Variants in SKOR2 observed in about 807,000 individuals in gnomAD.
SKOR2 encodes SKI family transcriptional corepressor 2, also known as LBX1 corepressor 1-like protein.
Under a neutral mutation model 69.1 loss-of-function variants are expected in SKOR2, and 47 were observed. The observed-to-expected ratio is 0.68, with a 90% CI of 0.54 to 0.87. The LOEUF is 0.87. Among genes scored for constraint, SKOR2 ranks in the 40% least tolerant of loss-of-function variants. The probability of loss-of-function intolerance (pLI) is 0.00; values close to 1 mark genes in which losing one functional copy is unlikely to be tolerated. For missense variants in SKOR2, 1,404 were observed against 1,472.2 expected (o/e 0.95, Z 0.76); for synonymous variants, 717 against 672.6 (o/e 1.07, Z -1.02).
At position 47,208,703 on chromosome 18, in the gene SKOR2, G is replaced by A. The variant is rs73954289; in HGVS notation, c.*4-1811C>T. Among the ~76,000 whole-genome samples the A allele has an allele frequency of 5.2e-3, 787 of 152,240 alleles. 7 individuals are homozygous for A. Among genetic ancestry groups the A allele is most frequent in the African/African-American group, 0.018 (752 of 41,536 alleles). On this transcript the variant is annotated intron_variant, in intron 8 of 8. Coordinates refer to ENST00000425639, the MANE Select transcript of SKOR2 (RefSeq NM_001278063.4). ...GAAATAACTAGATGTAAGGAAGGCC[G>A]TCGGGAATAATTCTGGTGTTAAAAA...
intron 6 of SKOR2, among the ~76,000 whole-genome samples, chr18:47,226,310 A>G (rs1449910857): frequency 6.6e-6 from 1 of 152,200 alleles, no homozygotes; most frequent in Non-Finnish European, 1.5e-5. Flanking sequence ...TGCAAAAATG[A>G]TCAGACCAGT....
chr18:47,227,635 G>A (rs570509965), intron 6 of SKOR2, among the ~76,000 whole-genome samples: 1 of 152,226 alleles, frequency 6.6e-6, no homozygotes, highest in African/African-American at 2.4e-5. Context: ...CTGGCCAGAA[G>A]CCAAAAATTT....
chr18:47,224,580 G>A (rs1046289712), intron 6 of SKOR2, among the ~76,000 whole-genome samples: 4 of 151,734 alleles, frequency 2.6e-5, no homozygotes, highest in Non-Finnish European at 5.9e-5. Context: ...GTTTACAAAT[G>A]TCTTCATTTT....
intron 4 of SKOR2, among the ~76,000 whole-genome samples, chr18:47,235,674 A>G (rs2064219131): frequency 1.3e-5 from 2 of 151,698 alleles, no homozygotes; most frequent in African/African-American, 4.9e-5. Context: ...GTCATTAGAA[A>G]CTGGAAGTAT....
Position 47,248,692 on chromosome 18 carries a change from G to T in SKOR2, c.492C>A (p.Tyr164Ter). 6.4e-7 allele frequency: 1 copy of T among 1,563,850 alleles called. No homozygotes were observed. The highest frequency in any genetic ancestry group is 8.6e-7 in the Non-Finnish European group (1 of 1,160,906). Reference sequence around the variant, plus strand: ...TGATGCACTTGGCGCGCGAGCTGTTGTAGCGCGCGGGAATGAAGCTGCCGC... The same window carrying T: ...TGATGCACTTGGCGCGCGAGCTGTTTTAGCGCGCGGGAATGAAGCTGCCGC... ...GCRGSFIPAR[Y>*]NSSRAKCIKC... Residue 164 changes from tyrosine to a stop codon, truncating the protein, a stop_gained, in exon 2 of 9, where the codon TAC becomes TAA. Coordinates refer to ENST00000425639, the MANE Select transcript of SKOR2 (RefSeq NM_001278063.4). LOFTEE classifies it high-confidence loss of function. The surrounding 1 kb of genome is among the most constrained non-coding windows in gnomAD (Gnocchi z 6.4).
intron 7 of SKOR2, among the ~76,000 whole-genome samples, chr18:47,212,749 G>C (rs527916539): frequency 1.3e-5 from 2 of 152,210 alleles, no homozygotes; most frequent in African/African-American, 4.8e-5. Context: ...GAGGTGGGAG[G>C]ATCACTTGAG....
chr18:47,224,383 C>T (rs1362289550), intron 6 of SKOR2, among the ~76,000 whole-genome samples: 1 of 152,154 alleles, frequency 6.6e-6, no homozygotes, highest in Non-Finnish European at 1.5e-5. Flanking sequence ...GCCAACACAA[C>T]AGCAAGGCTG....
At chr18:47,225,332 T>C (rs771665692) in intron 6 of SKOR2, among the ~76,000 whole-genome samples, 2 of 152,194 alleles carry the variant, frequency 1.3e-5, no homozygotes, top group Non-Finnish European at 2.9e-5. Flanking sequence ...AATTTGTCAC[T>C]AGATCTGCAA....
chr18:47,244,085 A>C (rs963701434), intron 4 of SKOR2, among the ~76,000 whole-genome samples: 2 of 152,246 alleles, frequency 1.3e-5, no homozygotes, highest in African/African-American at 4.8e-5. Context: ...TGAGAAAATA[A>C]AAACAAAGGT....
At chr18:47,249,692 G>C (rs2064304359) in intron 1 of SKOR2, among the ~76,000 whole-genome samples, 1 of 152,146 alleles carries the variant, frequency 6.6e-6, no homozygotes, top group African/African-American at 2.4e-5. Context: ...TGGTTAAAAA[G>C]TAACCCCCAA....
intron 4 of SKOR2, among the ~76,000 whole-genome samples, chr18:47,237,148 C>T (rs781655943): frequency 6.6e-6 from 1 of 152,320 alleles, no homozygotes; most frequent in East Asian, 1.9e-4. Flanking sequence ...AGTTTTAAAG[C>T]ACTAACTTGT....
At chr18:47,226,642 C>T (rs1019292975) in intron 6 of SKOR2, among the ~76,000 whole-genome samples, 1 of 152,198 alleles carries the variant, frequency 6.6e-6, no homozygotes, top group African/African-American at 2.4e-5. Flanking sequence ...GCTCAATAAA[C>T]CTTTACAAGT....
At position 47,247,692 on chromosome 18, in the gene SKOR2, C is replaced by T; in HGVS notation, c.1492G>A (p.Ala498Thr). Residue 498 changes from alanine to threonine, a missense_variant, in exon 2 of 9, where the codon GCG becomes ACG. Ala to Thr is a moderately conservative substitution (Grantham distance 58). This residue lies in a region of SKOR2 where 1,266 missense variants were observed against 1,309.9 expected (regional missense o/e 0.97). Transcript: ENST00000425639. The surrounding 1 kb of genome is among the most constrained non-coding windows in gnomAD (Gnocchi z 6.6). ...PPQPPSALGC[A>T]LGESPALLRQ... is the part of the protein sequence containing the mutation. ...AGCAGGGCCGGGCTTTCGCCTAGCG[C>T]GCAGCCTAGCGCCGAGGGCGGCTGA... is the stretch of plus-strand genomic sequence containing the variant. The T allele has an allele frequency of 1.5e-6, 2 of 1,354,840 alleles. No homozygotes were observed. Among genetic ancestry groups the T allele is most frequent in the South Asian group, 1.8e-5 (1 of 55,086 alleles). The allele number at this position is 1,354,840 out of a possible 1,614,324, so 83.9% of individuals were successfully genotyped here. A position where few individuals can be genotyped will look rare whatever the true frequency, so the allele number is the denominator to read the frequency against.
intron 2 of SKOR2, 115 bp downstream of exon 2, chr18:47,246,456 A>G: frequency 3.8e-6 from 5 of 1,305,572 alleles, no homozygotes; most frequent in Non-Finnish European, 5.0e-6. Flanking sequence ...TGAATATTTC[A>G]TTTCTGTGGG....
intron 4 of SKOR2, among the ~76,000 whole-genome samples, chr18:47,232,329 C>G (rs1292841796): frequency 1.3e-5 from 2 of 152,120 alleles, no homozygotes; most frequent in African/African-American, 2.4e-5. Context: ...TACATGCTGA[C>G]TAGGATGGCA....
Position 47,247,875 on chromosome 18 carries a change from CG to C in SKOR2, c.1308del (p.Ala437ArgfsTer59). The C allele has an allele frequency of 7.3e-7, 1 of 1,360,676 alleles. No homozygotes were observed. The highest frequency in any genetic ancestry group is 9.4e-7 in the Non-Finnish European group (1 of 1,066,560). The allele number at this position is 1,360,676 out of a possible 1,614,324, so 84.3% of individuals were successfully genotyped here. ...GCCGCGCCCGCGCCGCCTGCGCCCG[CG>C]CCCCCCAGGGCCTCAGCGGCGGCAC... ...DAGAAAEALGGAGAGGAGAAP... is the reference protein window; with the variant it reads ...DAGAAAEALGXAGAGGAGAAP... On this transcript the variant is annotated frameshift_variant, in exon 2 of 9. Coordinates refer to ENST00000425639, the MANE Select transcript of SKOR2 (RefSeq NM_001278063.4). LOFTEE classifies it high-confidence loss of function. The surrounding 1 kb of genome is among the most constrained non-coding windows in gnomAD (Gnocchi z 6.6).
At chr18:47,239,033 T>G (rs2064237484) in intron 4 of SKOR2, among the ~76,000 whole-genome samples, 1 of 152,300 alleles carries the variant, frequency 6.6e-6, no homozygotes, top group African/African-American at 2.4e-5. Flanking sequence ...CTAAGTGAGA[T>G]TTTCTGGATT....
chr18:47,218,669 A>G (rs979339366), intron 7 of SKOR2, among the ~76,000 whole-genome samples: 2 of 151,816 alleles, frequency 1.3e-5, no homozygotes, highest in South Asian at 2.1e-4. Flanking sequence ...ATTCCCCTAC[A>G]TCGAATCTTT....
In SKOR2 at chr18:47,248,320, CGGCGGCGGG is replaced by C. The variant is rs937747390; in HGVS notation, c.855_863del (p.Pro292_Pro294del). The C allele has an allele frequency of 4.9e-4, 588 of 1,200,804 alleles. No individual in the cohort carries two copies. The highest frequency in any genetic ancestry group is 5.8e-4 in the Non-Finnish European group (565 of 970,656). The allele number at this position is 1,200,804 out of a possible 1,614,324, so 74.4% of individuals were successfully genotyped here. On this transcript the variant is annotated inframe_deletion, in exon 2 of 9. Transcript: ENST00000425639. The surrounding 1 kb of genome is among the most constrained non-coding windows in gnomAD (Gnocchi z 6.4). Reference sequence around the variant, plus strand: ...CTGCCAAGGGCGGCGGTGGCGGCGGCGGCGGCGGGGGCGCACCCAGCAGGTGGGGGCCCA... The same window carrying C: ...CTGCCAAGGGCGGCGGTGGCGGCGGCGGCGCACCCAGCAGGTGGGGGCCCA...
Sources: gnomAD v4.1 joint callset for allele counts (sites outside exome capture counted in the v4.1 genomes callset) on GRCh38, gnomAD v4.1.1 for gene constraint, gnomAD v4.1.1 regional missense constraint, Gnocchi (gnomAD v3.1) non-coding constraint, MANE v1.5 for transcripts, NCBI Gene and HGNC (gene_info 2026-07-23, HGNC 2026-07-21) for gene names.